CFAP263: variants seen among roughly 807,000 people sequenced by gnomAD.
CFAP263 encodes the protein cilia- and flagella-associated protein 263.
At chr16:58,268,963 A>C in the CFAP263 span, among the ~76,000 whole-genome samples, 62 of 152,326 alleles carry the variant, frequency 4.1e-4, no homozygotes, top group Admixed American at 3.7e-3. Context: ...ATATATTCAC[A>C]GAGTTGTGTA....
the CFAP263 span, among the ~76,000 whole-genome samples, chr16:58,253,290 A>T: frequency 6.6e-6 from 1 of 152,100 alleles, no homozygotes; most frequent in African/African-American, 2.4e-5. Context: ...CTGAGGTGGG[A>T]GGATTGCTTG....
chr16:58,250,218 C>G, the CFAP263 span: 5 of 639,170 alleles, frequency 7.8e-6, no homozygotes, highest in African/African-American at 1.9e-5. Context: ...CAAGCCCTCA[C>G]TGAGCACTGG....
At chr16:58,271,474 C>G in the CFAP263 span, among the ~76,000 whole-genome samples, 6 of 152,130 alleles carry the variant, frequency 3.9e-5, no homozygotes, top group Non-Finnish European at 8.8e-5. Context: ...TTAGTTCTTA[C>G]CTGACGTCCT....
chr16:58,267,089 G>T, the CFAP263 span, among the ~76,000 whole-genome samples: 2 of 152,166 alleles, frequency 1.3e-5, no homozygotes, highest in South Asian at 4.1e-4. Context: ...GCTGTTTGTC[G>T]TATGTTCTCC....
the CFAP263 span, among the ~76,000 whole-genome samples, chr16:58,276,662 TA>T: frequency 6.6e-6 from 1 of 152,278 alleles, no homozygotes; most frequent in Non-Finnish European, 1.5e-5. Context: ...CAGTTTATCC[TA>T]CTGATTCACT....
chr16:58,262,506 C>G, the CFAP263 span: 70 of 1,611,828 alleles, frequency 4.3e-5, no homozygotes, highest in South Asian at 7.4e-4. Flanking sequence ...AAGCTGTCAT[C>G]TGGAAACACT....
chr16:58,267,395 G>C, the CFAP263 span: 8 of 949,182 alleles, frequency 8.4e-6, no homozygotes, highest in Non-Finnish European at 6.6e-6. Context: ...CTGCTTTTCT[G>C]TTCGTTAACA....
the CFAP263 span, among the ~76,000 whole-genome samples, chr16:58,277,331 G>C: frequency 2.6e-5 from 4 of 152,170 alleles, no homozygotes; most frequent in Non-Finnish European, 5.9e-5. Context: ...GTTTCACCAT[G>C]TTGGCCAGGC....
the CFAP263 span, among the ~76,000 whole-genome samples, chr16:58,262,016 T>C: frequency 6.6e-6 from 1 of 152,188 alleles, no homozygotes; most frequent in Admixed American, 6.5e-5. Flanking sequence ...CACTGTGGGA[T>C]GCCCTCTGTG....
chr16:58,255,814 C>T, the CFAP263 span, among the ~76,000 whole-genome samples: 45 of 152,122 alleles, frequency 3.0e-4, no homozygotes, highest in Non-Finnish European at 1.2e-4. Flanking sequence ...CCACTCGCCT[C>T]AGCCTCCCAA....
At chr16:58,271,712 G>T in the CFAP263 span, among the ~76,000 whole-genome samples, 1 of 152,198 alleles carries the variant, frequency 6.6e-6, no homozygotes, top group Non-Finnish European at 1.5e-5. Flanking sequence ...GAAGACCACA[G>T]ACATAAAGTG....
At chr16:58,250,096 G>A in the CFAP263 span, 1 of 1,586,192 alleles carries the variant, frequency 6.3e-7, no homozygotes. Flanking sequence ...CCAGCTGTGC[G>A]GGCTGGTGGA....
At chr16:58,265,843 C>T in the CFAP263 span, among the ~76,000 whole-genome samples, 1 of 152,216 alleles carries the variant, frequency 6.6e-6, no homozygotes, top group South Asian at 2.1e-4. Flanking sequence ...TCGTGGATAC[C>T]TGCCCCGGCA....
the CFAP263 span, chr16:58,252,763 G>A: frequency 6.2e-7 from 1 of 1,613,100 alleles, no homozygotes; most frequent in Non-Finnish European, 8.5e-7. Context: ...AGACTGAGAT[G>A]TTTGAGAAAT....
chr16:58,258,982 AAAATAAATAAATAAATAAATAAAT>A, the CFAP263 span, among the ~76,000 whole-genome samples: 10 of 143,970 alleles, frequency 6.9e-5, no homozygotes, highest in Admixed American at 2.1e-4. Flanking sequence ...CGTCTCAGAA[AAAATAAATAAATAAATAAATAAAT>A]AAATAAATAA....
the CFAP263 span, among the ~76,000 whole-genome samples, chr16:58,264,014 G>A: frequency 1.3e-5 from 2 of 152,198 alleles, no homozygotes; most frequent in African/African-American, 4.8e-5. Context: ...AGTCCAGTAT[G>A]CATCCCACCT....
the CFAP263 span, chr16:58,280,423 C>G: frequency 1.9e-6 from 3 of 1,614,190 alleles, no homozygotes; most frequent in Admixed American, 1.7e-5. Flanking sequence ...TAGACTATCT[C>G]TAGAGCTGTT....
At chr16:58,279,725 G>T in the CFAP263 span, 3 of 1,611,138 alleles carry the variant, frequency 1.9e-6, no homozygotes, top group East Asian at 2.2e-5. Flanking sequence ...GCTTGGAATC[G>T]AATGAAAATA....
the CFAP263 span, chr16:58,280,645 T>C: frequency 1.9e-6 from 3 of 1,614,168 alleles, no homozygotes; most frequent in East Asian, 2.2e-5. Flanking sequence ...GTCTTCCACC[T>C]TGGTGTACAG....
Sources: gnomAD v4.1 joint callset for allele counts (sites outside exome capture counted in the v4.1 genomes callset) on GRCh38, gnomAD v4.1.1 for gene constraint, MANE v1.5 for transcripts, NCBI Gene and HGNC (gene_info 2026-07-23, HGNC 2026-07-21) for gene names.